Variants in PCSK5 observed in about 807,000 individuals in gnomAD.
PCSK5 encodes the protein proprotein convertase subtilisin/kexin type 5.
In PCSK5, 129 loss-of-function variants were observed where a neutral mutation model predicts 233.2. The ratio of observed to expected loss-of-function variants is 0.55; its 90% CI spans 0.48 to 0.64. PCSK5 has a LOEUF of 0.64. PCSK5 is among the 30% of genes least tolerant of loss of function. The pLI is 0.00. For synonymous variants in PCSK5, 825 were observed against 879.2 expected (o/e 0.94, Z 1.09); for missense variants, 2,076 against 2,430.1 (o/e 0.85, Z 3.06).
chr9:76,256,358 G>A (rs375602175), intron 24 of PCSK5, among the ~76,000 whole-genome samples: 50 of 152,356 alleles, frequency 3.3e-4, no homozygotes, highest in Middle Eastern at 6.8e-3. Flanking sequence ...TCTGGATCAC[G>A]TAAGCTTGCA....
At chr9:76,000,982 G>A (rs1827237099) in intron 3 of PCSK5, among the ~76,000 whole-genome samples, 1 of 151,626 alleles carries the variant, frequency 6.6e-6, no homozygotes, top group Admixed American at 6.6e-5. Flanking sequence ...ATTGCTGTTG[G>A]ATTAATATTT....
intron 21 of PCSK5, among the ~76,000 whole-genome samples, chr9:76,227,996 G>A (rs1463406013): frequency 2.0e-5 from 3 of 149,456 alleles, no homozygotes; most frequent in Non-Finnish European, 3.0e-5. Context: ...TTGAGACAGA[G>A]TCTTGCTCTG....
At chr9:75,987,632 A>G (rs545715642) in intron 3 of PCSK5, among the ~76,000 whole-genome samples, 12 of 152,288 alleles carry the variant, frequency 7.9e-5, no homozygotes, top group African/African-American at 2.6e-4. Flanking sequence ...TTTACACAGA[A>G]ATTTTCCTCA....
chr9:76,277,154 T>C (rs1247068468), intron 24 of PCSK5, among the ~76,000 whole-genome samples: 2 of 152,048 alleles, frequency 1.3e-5, no homozygotes, highest in Non-Finnish European at 2.9e-5. Flanking sequence ...CGCCTGAATC[T>C]GGGAGCCGGA....
intron 24 of PCSK5, among the ~76,000 whole-genome samples, chr9:76,279,168 T>C (rs1162178494): frequency 9.5e-5 from 14 of 147,962 alleles, no homozygotes; most frequent in African/African-American, 3.5e-4. Context: ...CGGTGTTTGG[T>C]TTTTTGTTCT....
intron 28 of PCSK5, among the ~76,000 whole-genome samples, chr9:76,307,735 G>A (rs1411714443): frequency 2.0e-5 from 3 of 151,738 alleles, no homozygotes; most frequent in Non-Finnish European, 4.4e-5. Context: ...CTTAAGATGA[G>A]ATAAATTTAG....
At chr9:75,951,755 ATAAC>A (rs1824868261) in intron 2 of PCSK5, among the ~76,000 whole-genome samples, 1 of 151,990 alleles carries the variant, frequency 6.6e-6, no homozygotes, top group Non-Finnish European at 1.5e-5. Context: ...AATAAAATAA[ATAAC>A]AATAAAATTA....
At chr9:76,181,306 T>G in intron 15 of PCSK5, 92 bp from the exon 16 acceptor site, 12 of 1,052,430 alleles carry the variant, frequency 1.1e-5, no homozygotes, top group South Asian at 1.6e-5. Flanking sequence ...ATTTGGAAGC[T>G]GAGCTCAGCC....
intron 5 of PCSK5, among the ~76,000 whole-genome samples, chr9:76,032,126 T>G (rs1447958871): frequency 6.6e-6 from 1 of 152,110 alleles, no homozygotes; most frequent in Non-Finnish European, 1.5e-5. Context: ...ATAGTGAAGG[T>G]GAGGAATTTG....
At chr9:76,053,803 A>G (rs1200836327) in intron 5 of PCSK5, among the ~76,000 whole-genome samples, 30 of 152,172 alleles carry the variant, frequency 2.0e-4, no homozygotes, top group Non-Finnish European at 1.5e-5. Flanking sequence ...GTCTCTAGGA[A>G]GTTCCAAACC....
At chr9:76,085,878 T>G (rs551603858) in intron 7 of PCSK5, among the ~76,000 whole-genome samples, 1 of 152,314 alleles carries the variant, frequency 6.6e-6, no homozygotes, top group South Asian at 2.1e-4. Context: ...AGTATGAACT[T>G]TCCATTATTG....
intron 8 of PCSK5, among the ~76,000 whole-genome samples, chr9:76,099,234 T>C (rs763383547): frequency 2.6e-5 from 4 of 152,196 alleles, no homozygotes; most frequent in Non-Finnish European, 2.9e-5. Flanking sequence ...ATTTGGAAGC[T>C]GTTTATATTA....
chr9:76,018,006 C>T (rs866924913), intron 3 of PCSK5, among the ~76,000 whole-genome samples: 1 of 10,350 alleles, frequency 9.7e-5, no homozygotes. Flanking sequence ...AAGGTCTCCT[C>T]CAAAAAAAAA....
intron 20 of PCSK5, chr9:76,195,359 T>C (rs1467728343): frequency 6.6e-6 from 1 of 152,154 alleles, no homozygotes; most frequent in East Asian, 1.9e-4. Context: ...GTTACTGTGA[T>C]TGATAGGAAA....
chr9:76,335,366 T>G (rs1304744811), intron 34 of PCSK5, among the ~76,000 whole-genome samples: 1 of 152,194 alleles, frequency 6.6e-6, no homozygotes, highest in Non-Finnish European at 1.5e-5. Context: ...GGAATATTCA[T>G]GAGGTATATG....
At chr9:76,350,803 T>C (rs777810539) in intron 35 of PCSK5, 25 bp from the exon 36 acceptor site, 4 of 1,363,856 alleles carry the variant, frequency 2.9e-6, no homozygotes, top group Non-Finnish European at 4.2e-6. Flanking sequence ...GTCAATCTCA[T>C]AACTTAGAAT....
chr9:75,969,838 T>C lies in PCSK5; in HGVS notation c.298-16294T>C, dbSNP rs546477213. On this transcript the variant is annotated intron_variant, in intron 2 of 37. Transcript: ENST00000674117. ...CTACTTTGCACTGGGCAAGCGAGAATTCTCAAACACGGGTTCCTTGGACTC... is the reference window on the plus strand; with the variant it reads ...CTACTTTGCACTGGGCAAGCGAGAACTCTCAAACACGGGTTCCTTGGACTC... 1.6e-4 allele frequency among the ~76,000 whole-genome samples: 24 copies of C among 152,206 alleles called. No individual in the cohort carries two copies. In the East Asian group the frequency reaches 3.9e-3, roughly 24 times the overall value.
Position 75,956,910 on chromosome 9 carries a change from A to G in PCSK5, c.297+24427A>G, listed in dbSNP as rs1018773188. ...CATAAGTCACAAATTGTGAAAGACC[A>G]ATACTAGCTTAAAGTATTATTTCTC... On this transcript the variant is annotated intron_variant, in intron 2 of 37. Transcript: ENST00000674117. Among the ~76,000 whole-genome samples the G allele has an allele frequency of 2.6e-5, 4 of 152,262 alleles. No homozygotes were observed. The South Asian group carries it at 8.3e-4, about 32-fold the overall frequency.
At position 76,190,067 on chromosome 9, in the gene PCSK5, G is replaced by A. The variant is rs370278822; in HGVS notation, c.2626+321G>A. Reference sequence around the variant, plus strand: ...AGTTCAGAAATTTCCCATATACCCCGTTTTCCCCACACAGGCATAGCTTCC... The same window carrying A: ...AGTTCAGAAATTTCCCATATACCCCATTTTCCCCACACAGGCATAGCTTCC... On this transcript the variant is annotated intron_variant, in intron 20 of 37. Coordinates refer to ENST00000674117, the MANE Select transcript of PCSK5 (RefSeq NM_001372043.1). Among the ~76,000 whole-genome samples the A allele has an allele frequency of 1.2e-3, 186 of 152,060 alleles. No individual in the cohort carries two copies. In the Middle Eastern group the frequency reaches 0.014, roughly 11 times the overall value.
Sources: allele counts gnomAD v4.1 joint callset (sites outside exome capture counted in the v4.1 genomes callset), GRCh38; gene constraint gnomAD v4.1.1; transcripts MANE v1.5; gene names NCBI Gene and HGNC (gene_info 2026-07-23, HGNC 2026-07-21).